SMYD3: variants seen among roughly 807,000 people sequenced by gnomAD.
SMYD3 encodes the protein SET and MYND domain containing 3.
In SMYD3, 36 loss-of-function variants were observed where a neutral mutation model predicts 57.7. The observed-to-expected ratio is 0.62, with a 90% CI of 0.48 to 0.82. The LOEUF is 0.82. Among genes scored for constraint, SMYD3 ranks in the 40% least tolerant of loss-of-function variants. The pLI is 0.00. For synonymous variants in SMYD3, 211 were observed against 195.0 expected (o/e 1.08, Z -0.68); for missense variants, 515 against 538.8 (o/e 0.96, Z 0.44).
Position 246,203,580 on chromosome 1 carries a change from T to C in SMYD3, c.531+123621A>G, listed in dbSNP as rs2062952488. Among the ~76,000 whole-genome samples, 1 of 152,226 alleles carries C rather than the reference T, an allele frequency of 6.6e-6. No individual in the cohort carries two copies. The highest frequency in any genetic ancestry group is 2.4e-5 in the African/African-American group (1 of 41,462). ...GCAGTCCCTCTGCGCACATGTGCTGTTGGTGTCTCTTCCTCTTCCTACAAG... is the reference window on the plus strand; with the variant it reads ...GCAGTCCCTCTGCGCACATGTGCTGCTGGTGTCTCTTCCTCTTCCTACAAG... On this transcript the variant is annotated intron_variant, in intron 5 of 11. Coordinates refer to ENST00000490107, the MANE Select transcript of SMYD3 (RefSeq NM_001167740.2). This position sits in a 1 kb window ranked among gnomAD's most constrained non-coding sequence, Gnocchi z 4.6.
At chr1:245,902,830 G>A (rs949840544) in intron 8 of SMYD3, among the ~76,000 whole-genome samples, 2 of 152,116 alleles carry the variant, frequency 1.3e-5, no homozygotes, top group Non-Finnish European at 2.9e-5. Context: ...AACAAATACT[G>A]TAAATATATC....
At chr1:245,957,699 T>C (rs1435933249) in intron 5 of SMYD3, among the ~76,000 whole-genome samples, 1 of 152,204 alleles carries the variant, frequency 6.6e-6, no homozygotes, top group African/African-American at 2.4e-5. Context: ...TTCCTCCATA[T>C]ACGTCAACCA....
intron 10 of SMYD3, among the ~76,000 whole-genome samples, chr1:245,797,740 A>C (rs931489567): frequency 1.1e-4 from 16 of 149,886 alleles, no homozygotes; most frequent in African/African-American, 3.5e-4. Context: ...GCCAACTCTA[A>C]GGAGATTTCA....
intron 1 of SMYD3, among the ~76,000 whole-genome samples, chr1:246,402,003 T>C (rs1307529656): frequency 1.3e-5 from 2 of 152,254 alleles, no homozygotes; most frequent in Non-Finnish European, 2.9e-5. Context: ...ATTACAGGCG[T>C]GGGCCGCCGT....
At chr1:245,771,525 T>C (rs948117888) in intron 10 of SMYD3, among the ~76,000 whole-genome samples, 1 of 152,218 alleles carries the variant, frequency 6.6e-6, no homozygotes, top group South Asian at 2.1e-4. Flanking sequence ...GAACAGTATA[T>C]AACAGCCTTC....
In SMYD3 at chr1:245,793,181, T is replaced by A. The variant is rs376229942; in HGVS notation, c.1077-29032A>T. On this transcript the variant is annotated intron_variant, in intron 10 of 11. Transcript: ENST00000490107. ...AAAATGAGCCGGGCATGGTGGCGGG[T>A]GCCTGTAGTCCCAGCTACTCGGGAG... Among the ~76,000 whole-genome samples, 10 of 149,890 alleles carry A rather than the reference T, an allele frequency of 6.7e-5. No individual in the cohort carries two copies. In the East Asian group the frequency reaches 1.8e-3, roughly 27 times the overall value.
chr1:246,331,612 C>T (rs1332320077), intron 3 of SMYD3, among the ~76,000 whole-genome samples: 1 of 152,144 alleles, frequency 6.6e-6, no homozygotes, highest in African/African-American at 2.4e-5. Flanking sequence ...AATAATCTAC[C>T]TTCTACATTA....
intron 5 of SMYD3, among the ~76,000 whole-genome samples, chr1:246,041,526 G>A (rs1444604320): frequency 6.6e-6 from 1 of 152,194 alleles, no homozygotes; most frequent in Non-Finnish European, 1.5e-5. Context: ...GTCTCTGTGT[G>A]TGTGTGCCTG....
At position 245,960,396 on chromosome 1, in the gene SMYD3, C is replaced by G. The variant is rs1314797212; in HGVS notation, c.532-30459G>C. On this transcript the variant is annotated intron_variant, in intron 5 of 11. Coordinates refer to ENST00000490107, the MANE Select transcript of SMYD3 (RefSeq NM_001167740.2). ...CAAGGGACAACAATCTATTTTTCTG[C>G]CTGAAAATGACCCCGACATGAAAAC... is the stretch of plus-strand genomic sequence containing the variant. Among the ~76,000 whole-genome samples the G allele has an allele frequency of 2.0e-5, 3 of 152,276 alleles. No homozygotes were observed. In the East Asian group the frequency reaches 5.8e-4, roughly 29 times the overall value.
chr1:246,503,688 G>A (rs1184636543), intron 1 of SMYD3, among the ~76,000 whole-genome samples: 1 of 152,142 alleles, frequency 6.6e-6, no homozygotes, highest in Non-Finnish European at 1.5e-5. Context: ...TCAGGCCGGG[G>A]ACAGCGGCTC....
At chr1:246,194,861 AC>A (rs2062806567) in intron 5 of SMYD3, among the ~76,000 whole-genome samples, 1 of 152,186 alleles carries the variant, frequency 6.6e-6, no homozygotes, top group South Asian at 2.1e-4. Flanking sequence ...AAGATTTTCC[AC>A]AAAAACGTCT....
intron 7 of SMYD3, among the ~76,000 whole-genome samples, chr1:245,927,696 G>T (rs1207969129): frequency 6.6e-6 from 1 of 152,108 alleles, no homozygotes; most frequent in Non-Finnish European, 1.5e-5. Context: ...CACAGGACAG[G>T]AACTGTCATC....
At chr1:245,970,761 C>T (rs2058279155) in intron 5 of SMYD3, among the ~76,000 whole-genome samples, 2 of 152,174 alleles carry the variant, frequency 1.3e-5, no homozygotes, top group South Asian at 4.1e-4. Context: ...CATCTCACAC[C>T]AGTTAGAATG....
At chr1:246,491,615 T>C (rs939900289) in intron 1 of SMYD3, among the ~76,000 whole-genome samples, 5 of 151,612 alleles carry the variant, frequency 3.3e-5, no homozygotes, top group African/African-American at 1.2e-4. Flanking sequence ...ACTACTAATA[T>C]GGCAACACTT....
At chr1:245,850,073 A>G (rs1299683251) in intron 10 of SMYD3, among the ~76,000 whole-genome samples, 1 of 152,206 alleles carries the variant, frequency 6.6e-6, no homozygotes, top group Admixed American at 6.5e-5. Flanking sequence ...GGAAAAAGGA[A>G]TTGATATCCT....
At chr1:246,301,543 A>G (rs1157013060) in intron 5 of SMYD3, among the ~76,000 whole-genome samples, 3 of 152,190 alleles carry the variant, frequency 2.0e-5, no homozygotes, top group African/African-American at 7.2e-5. Context: ...AGTAATGAGA[A>G]TATGTTTTAA....
At chr1:245,823,236 C>T (rs1286912879) in intron 10 of SMYD3, among the ~76,000 whole-genome samples, 1 of 152,312 alleles carries the variant, frequency 6.6e-6, no homozygotes, top group Middle Eastern at 3.4e-3. Flanking sequence ...TTGTTCAGGA[C>T]GATTGCAAAA....
chr1:245,847,044 A>G (rs1344846530), intron 10 of SMYD3, among the ~76,000 whole-genome samples: 1 of 152,154 alleles, frequency 6.6e-6, no homozygotes, highest in Non-Finnish European at 1.5e-5. Context: ...TTCAAAGGCT[A>G]TGGCTGGCCA....
intron 1 of SMYD3, among the ~76,000 whole-genome samples, chr1:246,400,998 C>T (rs928108539): frequency 1.3e-5 from 2 of 152,188 alleles, no homozygotes; most frequent in African/African-American, 4.8e-5. Flanking sequence ...TCAAAAGAAA[C>T]TGTTCATACA....
Sources: allele counts gnomAD v4.1 joint callset (sites outside exome capture counted in the v4.1 genomes callset), GRCh38; gene constraint gnomAD v4.1.1; non-coding constraint Gnocchi (gnomAD v3.1); transcripts MANE v1.5; gene names NCBI Gene and HGNC (gene_info 2026-07-23, HGNC 2026-07-21).